The following MINAR1 variants were observed in gnomAD, a reference collection of about 807,000 sequenced individuals.
The protein encoded by MINAR1 is major intrinsically disordered Notch2-binding receptor 1.
A neutral mutation model predicts 65.1 loss-of-function variants in MINAR1; 40 were observed. The ratio of observed to expected loss-of-function variants is 0.61; its 90% confidence interval spans 0.48 to 0.80. MINAR1 has a LOEUF of 0.80. Ranked by LOEUF, MINAR1 falls within the 30% of genes least tolerant of loss-of-function variation. MINAR1 has a pLI of 0.00. For synonymous variants in MINAR1, 482 were observed against 449.1 expected (o/e 1.07, Z -0.93); for missense variants, 1,128 against 1,148.0 (o/e 0.98, Z 0.25).
At chr15:79,442,271 C>T (rs1346906979) in intron 1 of MINAR1, among the ~76,000 whole-genome samples, 4 of 151,906 alleles carry the variant, frequency 2.6e-5, no homozygotes, top group African/African-American at 4.8e-5. Context: ...TAACCTTTTA[C>T]CAGTTGATTA....
At position 79,468,564 on chromosome 15, in the gene MINAR1, C is replaced by A; in HGVS notation, c.*180C>A. On this transcript the variant is annotated 3_prime_UTR_variant, in exon 4 of 4. Transcript: ENST00000305428. ...TACATTCTAGTGAGAAATCTACCTA[C>A]CTATTAGCTTTGACTCAATTACACT... 1.6e-6 allele frequency: 1 copy of A among 611,996 alleles called. No homozygotes were observed. The highest frequency in any genetic ancestry group is 2.8e-6 in the Non-Finnish European group (1 of 351,864). The allele number at this position is 611,996 out of a possible 1,614,324, so 37.9% of individuals were successfully genotyped here.
chr15:79,446,716 T>C (rs1895032652), intron 1 of MINAR1, among the ~76,000 whole-genome samples: 1 of 152,182 alleles, frequency 6.6e-6, no homozygotes, highest in Non-Finnish European at 1.5e-5. Flanking sequence ...ACTCCTTGAG[T>C]TAGAAGATTC....
Position 79,444,444 on chromosome 15 carries a change from G to A in MINAR1, c.-50-11654G>A, listed in dbSNP as rs149269687. 1.3e-3 allele frequency among the ~76,000 whole-genome samples: 201 copies of A among 151,576 alleles called. 1 individual carries two copies. The highest frequency in any genetic ancestry group is 4.4e-4 in the Non-Finnish European group (30 of 67,890). On this transcript the variant is annotated intron_variant, in intron 1 of 3. Coordinates refer to ENST00000305428, the MANE Select transcript of MINAR1 (RefSeq NM_015206.3). ...GTTTTCTACTTCACTAATTTTTCTC[G>A]TAACATTAGTTGCTTCTTCCATTTT...
intron 1 of MINAR1, among the ~76,000 whole-genome samples, chr15:79,455,252 T>G (rs1567056716): frequency 6.6e-6 from 1 of 152,220 alleles, no homozygotes. Context: ...AGCATCTTAG[T>G]GCACATTATT....
upstream of MINAR1, chr15:79,427,487 A>G (rs1250414098): frequency 6.6e-6 from 1 of 152,198 alleles, no homozygotes; most frequent in Non-Finnish European, 1.5e-5. Flanking sequence ...TGCTACTATC[A>G]ATCTCTACCC....
At chr15:79,463,345 T>C in intron 3 of MINAR1, 24 bp downstream of exon 3, 3 of 1,204,018 alleles carry the variant, frequency 2.5e-6, no homozygotes, top group Non-Finnish European at 3.5e-6. Context: ...TGTCCCTGGG[T>C]GGGGGAAGCC....
the MINAR1 span, chr15:79,413,737 G>T: frequency 6.6e-6 from 1 of 152,210 alleles, no homozygotes; most frequent in Non-Finnish European, 1.5e-5. Context: ...GTGAGTCCTG[G>T]TTGGACAGTG....
intron 2 of MINAR1, among the ~76,000 whole-genome samples, chr15:79,459,873 C>A (rs935660452): frequency 2.0e-5 from 3 of 152,160 alleles, no homozygotes; most frequent in African/African-American, 7.2e-5. Context: ...ATGCCCAGAT[C>A]CAGTCCTCCC....
chr15:79,432,782 G>GCCGCA (rs1299113710), intron 1 of MINAR1, among the ~76,000 whole-genome samples: 1 of 152,220 alleles, frequency 6.6e-6, no homozygotes, highest in Non-Finnish European at 1.5e-5. Context: ...GCGGGGCGGG[G>GCCGCA]CCGCACCTGG....
At chr15:79,458,502 A>T in intron 2 of MINAR1, 57 bp downstream of exon 2, 1 of 1,559,752 alleles carries the variant, frequency 6.4e-7, no homozygotes, top group Non-Finnish European at 8.7e-7. Flanking sequence ...GCCCTGGTGT[A>T]TTTCAAAGCC....
In MINAR1 at chr15:79,457,880, A is replaced by G. The variant is rs1895493492; in HGVS notation, c.1733A>G (p.Lys578Arg). Residue 578 changes from lysine (K) to arginine (R), a missense_variant, in exon 2 of 4, where the codon AAG becomes AGG. Physicochemically the swap from Lys to Arg is conservative, Grantham distance 26. Coordinates refer to ENST00000305428, the MANE Select transcript of MINAR1 (RefSeq NM_015206.3). ...ANGVPNSKGD[K>R]GNRPENTHHS... ...GGGGTCCCCAACAGCAAGGGAGACA[A>G]GGGCAACCGGCCTGAAAACACCCAC... 3 of 1,614,108 alleles carry G rather than the reference A, an allele frequency of 1.9e-6. No individual in the cohort carries two copies. Among genetic ancestry groups the G allele is most frequent in the African/African-American group, 2.7e-5 (2 of 75,032 alleles).
rs570177287 is a variant in MINAR1, at chr15:79,469,453, T to TCTCAGTTACCCCAACA, written c.*1071_*1086dup. On this transcript the variant is annotated 3_prime_UTR_variant, in exon 4 of 4. Coordinates refer to ENST00000305428, the MANE Select transcript of MINAR1 (RefSeq NM_015206.3). ...AATAATAATAAAGGCACTGAGGTCT[T>TCTCAGTTACCCCAACA]CTCAGTTACCCCAACACCTACTCCA... 59 of 152,734 alleles carry TCTCAGTTACCCCAACA rather than the reference T, an allele frequency of 3.9e-4. No individual in the cohort carries two copies. The highest frequency in any genetic ancestry group is 1.3e-3 in the African/African-American group (52 of 41,578). 9.5% of individuals were successfully genotyped at this position (152,734 alleles called of 1,614,324 possible).
chr15:79,419,697 C>T, the MINAR1 span: 1 of 151,932 alleles, frequency 6.6e-6, no homozygotes, highest in East Asian at 1.9e-4. Context: ...ATAAAATGTT[C>T]AATAAACGAG....
At chr15:79,455,538 C>T (rs555820116) in intron 1 of MINAR1, among the ~76,000 whole-genome samples, 1 of 152,196 alleles carries the variant, frequency 6.6e-6, no homozygotes, top group Non-Finnish European at 1.5e-5. Flanking sequence ...TTCTCTGTGC[C>T]CCTTTGAGGT....
At chr15:79,465,914 C>A (rs1254817440) in intron 3 of MINAR1, among the ~76,000 whole-genome samples, 1 of 152,058 alleles carries the variant, frequency 6.6e-6, no homozygotes, top group Non-Finnish European at 1.5e-5. Flanking sequence ...AGACTGGCCC[C>A]AAGGGCCTGT....
chr15:79,430,828 G>A (rs1438563844), upstream of MINAR1, among the ~76,000 whole-genome samples: 2 of 152,362 alleles, frequency 1.3e-5, no homozygotes, highest in South Asian at 2.1e-4. Flanking sequence ...CACCCTGATA[G>A]GGCGTTATTT....
At chr15:79,416,071 C>T in the MINAR1 span, 12 of 152,264 alleles carry the variant, frequency 7.9e-5, no homozygotes, top group South Asian at 4.2e-4. Flanking sequence ...GTTCACATAG[C>T]GTATCTTAAA....
rs71716532 is a variant in MINAR1, at chr15:79,445,556, T to TA, written c.-50-10542_-50-10541insA. Among the ~76,000 whole-genome samples the TA allele has an allele frequency of 8.7e-3, 1,313 of 151,626 alleles. 40 individuals carry two copies. The East Asian group carries it at 0.11, about 13-fold the overall frequency. On this transcript the variant is annotated intron_variant, in intron 1 of 3. Transcript: ENST00000305428. ...AAATCTTTCTGTGACAGTTATTTTT[T>TA]TTTTTTTTTGAGACGGAGTTTTGCT...
chr15:79,419,524 A>G, the MINAR1 span: 3 of 152,174 alleles, frequency 2.0e-5, no homozygotes, highest in African/African-American at 7.2e-5. Context: ...AATGACTGCA[A>G]GTGGAAGCTG....
Sources: allele counts gnomAD v4.1 joint callset (sites outside exome capture counted in the v4.1 genomes callset), GRCh38; gene constraint gnomAD v4.1.1; transcripts MANE v1.5; gene names NCBI Gene and HGNC (gene_info 2026-07-23, HGNC 2026-07-21).